MAPK10: variants seen among roughly 807,000 people sequenced by gnomAD.
MAPK10 encodes mitogen-activated protein kinase 10, also known as JNK3 alpha protein kinase.
MAPK10 carries 25 observed loss-of-function variants against 59.3 expected under a neutral mutation model. The ratio of observed to expected loss-of-function variants is 0.42; its 90% CI spans 0.31 to 0.59. The LOEUF (loss-of-function observed/expected upper bound fraction) is 0.59. Ranked by LOEUF, MAPK10 falls within the 20% of genes least tolerant of loss-of-function variation. MAPK10 has a pLI of 0.15. For missense variants in MAPK10, 351 were observed against 568.9 expected (o/e 0.62, Z 3.90); for synonymous variants, 190 against 200.5 (o/e 0.95, Z 0.44).
At chr4:86,097,595 G>T (rs2054486282) in intron 9 of MAPK10, among the ~76,000 whole-genome samples, 1 of 151,960 alleles carries the variant, frequency 6.6e-6, no homozygotes, top group African/African-American at 2.4e-5. Flanking sequence ...TATTATAATT[G>T]TTAAAGTTGT....
chr4:86,575,886 A>G (rs779980146), intron 1 of MAPK10, among the ~76,000 whole-genome samples: 1 of 151,854 alleles, frequency 6.6e-6, no homozygotes, highest in Non-Finnish European at 1.5e-5. Flanking sequence ...AGAAGATAAC[A>G]ATAAACAGAA....
intron 4 of MAPK10, among the ~76,000 whole-genome samples, chr4:86,109,182 T>A (rs115136871): frequency 6.6e-6 from 1 of 152,196 alleles, no homozygotes; most frequent in African/African-American, 2.4e-5. Flanking sequence ...GTCCTGGAAC[T>A]CTTTAATAAT....
intron 3 of MAPK10, among the ~76,000 whole-genome samples, chr4:86,180,364 C>T (rs1048485468): frequency 1.3e-5 from 2 of 151,624 alleles, no homozygotes; most frequent in Non-Finnish European, 1.5e-5. Context: ...GAAAAGGAAG[C>T]TCTTATACAC....
chr4:86,194,478 G>T, intron 2 of MAPK10, 71 bp from the exon 3 acceptor site: 1 of 927,778 alleles, frequency 1.1e-6, no homozygotes, highest in South Asian at 1.3e-5. Context: ...TATAGATTTT[G>T]GCATAATTTG....
At chr4:86,341,292 G>A (rs1342223896) in intron 2 of MAPK10, among the ~76,000 whole-genome samples, 1 of 152,190 alleles carries the variant, frequency 6.6e-6, no homozygotes, top group Non-Finnish European at 1.5e-5. Flanking sequence ...TGTAGCTTCT[G>A]CACTCTAGAC....
At chr4:86,240,882 T>C (rs2092682554) in intron 2 of MAPK10, among the ~76,000 whole-genome samples, 1 of 152,058 alleles carries the variant, frequency 6.6e-6, no homozygotes, top group Non-Finnish European at 1.5e-5. Context: ...ACTATCGTTA[T>C]GATGCTTTTT....
At chr4:86,353,912 A>G (rs1249442336) in intron 2 of MAPK10, among the ~76,000 whole-genome samples, 1 of 152,162 alleles carries the variant, frequency 6.6e-6, no homozygotes, top group African/African-American at 2.4e-5. Context: ...TTTGATTTAA[A>G]AAGACATTCT....
chr4:86,106,797 T>A (rs1052255355), intron 5 of MAPK10: 2 of 152,246 alleles, frequency 1.3e-5, no homozygotes, highest in African/African-American at 4.8e-5. Flanking sequence ...AAAAAGGAGA[T>A]AACATGAATA....
intron 2 of MAPK10, among the ~76,000 whole-genome samples, chr4:86,229,774 G>C (rs994076370): frequency 1.3e-5 from 2 of 152,072 alleles, no homozygotes; most frequent in Non-Finnish European, 2.9e-5. Context: ...GACATGTTTA[G>C]GCAAGGCATG....
chr4:86,148,967 T>A (rs2065691537), intron 4 of MAPK10, among the ~76,000 whole-genome samples: 1 of 152,196 alleles, frequency 6.6e-6, no homozygotes, highest in African/African-American at 2.4e-5. Context: ...TAGATAATGA[T>A]TGACCATAGA....
At chr4:86,075,894 G>A (rs1384796138) in intron 9 of MAPK10, among the ~76,000 whole-genome samples, 1 of 152,200 alleles carries the variant, frequency 6.6e-6, no homozygotes, top group Non-Finnish European at 1.5e-5. Flanking sequence ...GTGGCAGGCA[G>A]GCCTCCTTGA....
intron 11 of MAPK10, among the ~76,000 whole-genome samples, chr4:86,059,495 G>C (rs759505614): frequency 2.0e-5 from 3 of 152,076 alleles, no homozygotes; most frequent in Non-Finnish European, 2.9e-5. Flanking sequence ...TTGAACTTCA[G>C]CACTAATACA....
At chr4:86,482,919 G>A (rs1335869056) in intron 1 of MAPK10, among the ~76,000 whole-genome samples, 1 of 151,796 alleles carries the variant, frequency 6.6e-6, no homozygotes, top group African/African-American at 2.4e-5. Flanking sequence ...TTTATTTTTT[G>A]TGTTAGGCAT....
intron 2 of MAPK10, among the ~76,000 whole-genome samples, chr4:86,282,614 G>C (rs562867377): frequency 6.6e-6 from 1 of 152,262 alleles, no homozygotes; most frequent in Non-Finnish European, 1.5e-5. Context: ...AATTTTCCCT[G>C]GCACCAAGAG....
chr4:86,383,094 A>AAAATAAATGTTAAATT (rs1740984947), intron 1 of MAPK10, among the ~76,000 whole-genome samples: 2 of 152,094 alleles, frequency 1.3e-5, no homozygotes, highest in Non-Finnish European at 2.9e-5. Flanking sequence ...AATGTTAAAT[A>AAAATAAATGTTAAATT]AAATAAATGT....
At chr4:86,481,757 T>C (rs1261670065) in intron 1 of MAPK10, among the ~76,000 whole-genome samples, 1 of 152,184 alleles carries the variant, frequency 6.6e-6, no homozygotes, top group African/African-American at 2.4e-5. Flanking sequence ...GTAGTTGTCT[T>C]ACAATTTTAA....
At chr4:86,424,646 G>A (rs964853198) in intron 1 of MAPK10, among the ~76,000 whole-genome samples, 1 of 151,990 alleles carries the variant, frequency 6.6e-6, no homozygotes, top group African/African-American at 2.4e-5. Context: ...AATCATGCAT[G>A]GTCTCCTTCA....
At chr4:86,064,599 G>C (rs1045353985) in intron 10 of MAPK10, 1 of 556,950 alleles carries the variant, frequency 1.8e-6, no homozygotes, top group Non-Finnish European at 3.2e-6. Context: ...GCTCTCCAAG[G>C]GTTGTAACAC....
chr4:86,061,554 A>G (rs1705740765), intron 11 of MAPK10, among the ~76,000 whole-genome samples: 1 of 152,134 alleles, frequency 6.6e-6, no homozygotes, highest in Non-Finnish European at 1.5e-5. Flanking sequence ...ATTCATTCAT[A>G]TGCTCTTCTC....
Sources: gnomAD v4.1 joint callset for allele counts (sites outside exome capture counted in the v4.1 genomes callset) on GRCh38, gnomAD v4.1.1 for gene constraint, MANE v1.5 for transcripts, NCBI Gene and HGNC (gene_info 2026-07-23, HGNC 2026-07-21) for gene names.